The following CAMTA1 variants were observed in gnomAD, a reference collection of about 807,000 sequenced individuals.
The protein encoded by CAMTA1 is calmodulin binding transcription activator 1, also known as calmodulin-binding transcription activator 1.
CAMTA1 carries 27 observed loss-of-function variants against 170.9 expected under a neutral mutation model. The ratio of observed to expected loss-of-function variants is 0.16; its 90% CI spans 0.12 to 0.22. The LOEUF (loss-of-function observed/expected upper bound fraction) is 0.22, where lower values mean the gene tolerates loss of function less well. Ranked by LOEUF, CAMTA1 falls within the 10% of genes least tolerant of loss-of-function variation. The pLI, the probability that CAMTA1 is intolerant of heterozygous loss-of-function variation, is 1.00. For missense variants in CAMTA1, 1,619 were observed against 2,217.2 expected (o/e 0.73, Z 5.42); for synonymous variants, 833 against 891.5 (o/e 0.93, Z 1.17).
rs1457523502 is a variant in CAMTA1 at position 7,561,297 on chromosome 1, T to C, written c.511-79103T>C. ...ATCTGCTCAGCTACCAAGGCTGAGG[T>C]TGGTGCTCCTGGAGGAGCCTCCAGG... On this transcript the variant is annotated intron_variant, in intron 6 of 22. Coordinates refer to ENST00000303635, the MANE Select transcript of CAMTA1 (RefSeq NM_015215.4). This position sits in a 1 kb window ranked among gnomAD's most constrained non-coding sequence, Gnocchi z 5.3. Among the ~76,000 whole-genome samples the C allele has an allele frequency of 1.3e-5, 2 of 151,412 alleles. No individual in the cohort carries two copies. The highest frequency in any genetic ancestry group is 3.0e-5 in the Non-Finnish European group (2 of 67,790).
In CAMTA1 at chr1:7,634,353, C is replaced by A. The variant is rs755694504; in HGVS notation, c.511-6047C>A. Among the ~76,000 whole-genome samples the A allele has an allele frequency of 5.4e-4, 82 of 152,012 alleles. No homozygotes were observed. Among genetic ancestry groups the A allele is most frequent in the Middle Eastern group, 3.2e-3 (1 of 316 alleles). ...AGAGGATGACTCCTGGGTTCCAGAC[C>A]TGGGCAGCTGTGGGAAGCCTGGAGG... On this transcript the variant is annotated intron_variant, in intron 6 of 22. Transcript: ENST00000303635. The surrounding 1 kb of genome is among the most constrained non-coding windows in gnomAD (Gnocchi z 6.2).
intron 1 of CAMTA1, among the ~76,000 whole-genome samples, chr1:6,800,472 A>T (rs746026510): frequency 6.6e-6 from 1 of 152,200 alleles, no homozygotes; most frequent in South Asian, 2.1e-4. Context: ...AAATGTTCAT[A>T]GTTATTCTGT....
intron 3 of CAMTA1, among the ~76,000 whole-genome samples, chr1:6,995,289 T>TC (rs952122806): frequency 7.6e-6 from 1 of 132,082 alleles, no homozygotes; most frequent in Non-Finnish European, 1.6e-5. Context: ...ATCTTTTTTT[T>TC]CTTTTCTTTT....
intron 6 of CAMTA1, among the ~76,000 whole-genome samples, chr1:7,499,700 GTA>G (rs1011579897): frequency 5.0e-5 from 7 of 140,152 alleles, no homozygotes; most frequent in African/African-American, 1.3e-4. Context: ...GCGTGCATAT[GTA>G]TATGAGTGTG....
intron 6 of CAMTA1, among the ~76,000 whole-genome samples, chr1:7,601,984 ACCGT>A (rs2095447708): frequency 2.8e-4 from 34 of 121,112 alleles, no homozygotes; most frequent in Middle Eastern, 4.2e-3. Context: ...GGAGAGGGAG[ACCGT>A]GGGGAGAGGG....
intron 7 of CAMTA1, among the ~76,000 whole-genome samples, chr1:7,655,462 AACACACCCACCTATACAAACAC>A (rs1356901501): frequency 1.5e-5 from 2 of 130,350 alleles, no homozygotes; most frequent in East Asian, 4.6e-4. Context: ...CCTATACACA[AACACACCCACCTATACAAACAC>A]ACACCTATAC....
chr1:6,935,943 C>T (rs2149395372), intron 3 of CAMTA1, among the ~76,000 whole-genome samples: 1 of 152,316 alleles, frequency 6.6e-6, no homozygotes, highest in African/African-American at 2.4e-5. Context: ...GAGACCAGAA[C>T]TTCTGGCTCC....
intron 5 of CAMTA1, among the ~76,000 whole-genome samples, chr1:7,375,544 G>C (rs778774326): frequency 2.1e-4 from 32 of 152,164 alleles, no homozygotes; most frequent in Admixed American, 3.9e-4. Flanking sequence ...GCCAGCCCTG[G>C]GACCAACACC....
chr1:7,594,684 T>C (rs959806791), intron 6 of CAMTA1, among the ~76,000 whole-genome samples: 1 of 152,190 alleles, frequency 6.6e-6, no homozygotes, highest in Non-Finnish European at 1.5e-5. Flanking sequence ...GTCTGGGACC[T>C]ATTTTGAGGC....
intron 5 of CAMTA1, among the ~76,000 whole-genome samples, chr1:7,301,088 C>A (rs754615607): frequency 4.6e-5 from 7 of 152,146 alleles, no homozygotes; most frequent in Non-Finnish European, 1.0e-4. Flanking sequence ...TACCCAGGAG[C>A]CCAGAAATAT....
Position 7,172,569 on chromosome 1 carries a change from C to T in CAMTA1, c.303-76922C>T, listed in dbSNP as rs543260732. Among the ~76,000 whole-genome samples the T allele has an allele frequency of 1.6e-4, 24 of 152,260 alleles. No individual in the cohort carries two copies. The South Asian group carries it at 2.5e-3, about 16-fold the overall frequency. On this transcript the variant is annotated intron_variant, in intron 4 of 22. Coordinates refer to ENST00000303635, the MANE Select transcript of CAMTA1 (RefSeq NM_015215.4). ...TCACCAAAGGGGGCAGGGCATGGAG[C>T]GACTTAATGAGCACAGAGAGCCTGA... is the stretch of plus-strand genomic sequence containing the variant.
intron 3 of CAMTA1, among the ~76,000 whole-genome samples, chr1:7,053,051 C>A (rs571267456): frequency 6.6e-6 from 1 of 152,184 alleles, no homozygotes; most frequent in Non-Finnish European, 1.5e-5. Flanking sequence ...TGGGAAAGAG[C>A]GGACACAGCC....
intron 5 of CAMTA1, among the ~76,000 whole-genome samples, chr1:7,392,582 T>A (rs1269601012): frequency 5.1e-4 from 6 of 11,758 alleles, no homozygotes; most frequent in African/African-American, 1.7e-3. Context: ...AATTTTTTTT[T>A]AATTAGCTGG....
chr1:7,482,402 C>T lies in CAMTA1; in HGVS notation c.510+14501C>T, dbSNP rs1307079751. ...TTTCTCCTAGGCTCTCCCACAGCTG[C>T]CCCTAGGTCCAGCTGTGCCCCACGA... On this transcript the variant is annotated intron_variant, in intron 6 of 22. Transcript: ENST00000303635. The surrounding 1 kb of genome is among the most constrained non-coding windows in gnomAD (Gnocchi z 4.2). Among the ~76,000 whole-genome samples, 1 of 152,178 alleles carries T rather than the reference C, an allele frequency of 6.6e-6. No individual in the cohort carries two copies. The highest frequency in any genetic ancestry group is 1.5e-5 in the Non-Finnish European group (1 of 68,038).
At chr1:7,730,822 T>C (rs2096726464) in intron 11 of CAMTA1, among the ~76,000 whole-genome samples, 3 of 151,864 alleles carry the variant, frequency 2.0e-5, no homozygotes, top group Admixed American at 2.0e-4. Context: ...TCGCTTAAAC[T>C]CAGGAGGCGG....
intron 4 of CAMTA1, among the ~76,000 whole-genome samples, chr1:7,137,238 C>G (rs566901595): frequency 6.6e-6 from 1 of 152,212 alleles, no homozygotes; most frequent in East Asian, 1.9e-4. Flanking sequence ...TTATTCGAAA[C>G]CTTCACTGCT....
chr1:6,795,623 C>T (rs962278754), intron 1 of CAMTA1, among the ~76,000 whole-genome samples: 4 of 152,110 alleles, frequency 2.6e-5, no homozygotes, highest in African/African-American at 9.7e-5. Flanking sequence ...GAGCTTTTCT[C>T]TTTTTTTCTC....
intron 3 of CAMTA1, among the ~76,000 whole-genome samples, chr1:6,928,671 C>T (rs1376780418): frequency 2.5e-4 from 38 of 152,212 alleles, no homozygotes; most frequent in Admixed American, 2.4e-3. Context: ...AGCTCATTCT[C>T]ACCCCAGGAC....
chr1:6,800,753 A>G (rs1643673316), intron 1 of CAMTA1, among the ~76,000 whole-genome samples: 1 of 152,180 alleles, frequency 6.6e-6, no homozygotes, highest in Admixed American at 6.5e-5. Context: ...GCCCACTGTC[A>G]TTGATCATAT....
Sources: allele counts gnomAD v4.1 joint callset (sites outside exome capture counted in the v4.1 genomes callset), GRCh38; gene constraint gnomAD v4.1.1; non-coding constraint Gnocchi (gnomAD v3.1); transcripts MANE v1.5; gene names NCBI Gene and HGNC (gene_info 2026-07-23, HGNC 2026-07-21).